OCA2: variants seen among roughly 807,000 people sequenced by gnomAD.
OCA2 encodes the protein OCA2 melanosomal transmembrane protein.
A neutral mutation model predicts 100.2 loss-of-function variants in OCA2; 77 were observed. That is an observed-to-expected ratio of 0.77 (90% CI 0.64 to 0.93). OCA2 has a LOEUF of 0.93. Among genes scored for constraint, OCA2 ranks in the 40% least tolerant of loss-of-function variants. OCA2 has a pLI of 0.00. For missense variants in OCA2, 1,062 were observed against 1,089.1 expected (o/e 0.98, Z 0.35); for synonymous variants, 432 against 439.2 (o/e 0.98, Z 0.21).
chr15:27,917,823 C>T (rs2038720576), intron 19 of OCA2, among the ~76,000 whole-genome samples: 1 of 152,104 alleles, frequency 6.6e-6, no homozygotes, highest in South Asian at 2.1e-4. Context: ...GAGTATCTTG[C>T]CCAGTTGATT....
At chr15:28,019,340 G>C (rs539869413) in intron 6 of OCA2, among the ~76,000 whole-genome samples, 1 of 119,132 alleles carries the variant, frequency 8.4e-6, no homozygotes, top group South Asian at 2.3e-4. Context: ...AAAGGAGAGC[G>C]GGAGACAAGG....
chr15:27,973,106 G>C (rs988675892), intron 14 of OCA2, among the ~76,000 whole-genome samples: 6 of 152,064 alleles, frequency 3.9e-5, no homozygotes, highest in Admixed American at 1.3e-4. Context: ...CTGACCTGAA[G>C]TGATCCTCCC....
At position 28,022,586 on chromosome 15, in the gene OCA2, G is replaced by C. The variant is rs2042628762; in HGVS notation, c.574-13C>G. On this transcript the variant is annotated splice_polypyrimidine_tract_variant and intron_variant, in intron 5 of 23. Coordinates refer to ENST00000354638, the MANE Select transcript of OCA2 (RefSeq NM_000275.3). ...GGCTGAACAAAATCTGTAACAATCA[G>C]AAACGTTGAATGACAGAGGTGTGGT... 1 of 1,604,422 alleles carries C rather than the reference G, an allele frequency of 6.2e-7. No individual in the cohort carries two copies. Among genetic ancestry groups the C allele is most frequent in the South Asian group, 1.1e-5 (1 of 90,866 alleles).
intron 23 of OCA2, among the ~76,000 whole-genome samples, chr15:27,759,608 C>T (rs986280196): frequency 1.3e-5 from 2 of 151,634 alleles, no homozygotes; most frequent in African/African-American, 4.8e-5. Flanking sequence ...AGCAGTCAAT[C>T]CACCGAGAGA....
chr15:27,763,998 T>G (rs878925792), intron 23 of OCA2, among the ~76,000 whole-genome samples: 2 of 147,444 alleles, frequency 1.4e-5, no homozygotes, highest in African/African-American at 2.5e-5. Flanking sequence ...CACTGAGGGG[T>G]GGGGGTTTGG....
In OCA2 at chr15:28,027,888, G is replaced by A. The variant is rs371617480; in HGVS notation, c.498C>T (p.Leu166=). ...GDLLDSPHIR[L]RLSKLRRCVQ... The stretch of plus-strand genomic sequence containing the variant: ...CCGCCTACCTCAGCTTGGAAAGACG[G>A]AGTCGGATGTGCGGGCTGTCCAGAA... Residue 166 remains leucine (L), a synonymous_variant, in exon 4 of 24, where the codon CTC becomes CTT. Transcript: ENST00000354638. 8.1e-6 allele frequency: 13 copies of A among 1,613,144 alleles called. No homozygotes were observed. In the East Asian group the frequency reaches 8.9e-5, roughly 11 times the overall value.
intron 19 of OCA2, among the ~76,000 whole-genome samples, chr15:27,916,399 A>G (rs1441831922): frequency 6.6e-6 from 1 of 152,158 alleles, no homozygotes; most frequent in Non-Finnish European, 1.5e-5. Context: ...TCATTCTAAA[A>G]TTTCTTCTTC....
rs2038903699 is a variant in OCA2, at chr15:27,922,683, GTGTGTGTGTGTGT to G, written c.2079+3431_2079+3443del. Among the ~76,000 whole-genome samples, 7 of 36,322 alleles carry G rather than the reference GTGTGTGTGTGTGT, an allele frequency of 1.9e-4. No individual in the cohort carries two copies. The South Asian group carries it at 7.0e-3, about 37-fold the overall frequency. 23.8% of individuals were successfully genotyped at this position (36,322 alleles called of 152,430 possible). Reference sequence around the variant, plus strand: ...GCTTTTGTGGTTTTTTGTTTGGGGTGTGTGTGTGTGTGTGTGTGTGTGTGTGTGTGTGTGTGTG... The same window carrying G: ...GCTTTTGTGGTTTTTTGTTTGGGGTGGTGTGTGTGTGTGTGTGTGTGTGTG... On this transcript the variant is annotated intron_variant, in intron 19 of 23. Coordinates refer to ENST00000354638, the MANE Select transcript of OCA2 (RefSeq NM_000275.3).
chr15:27,852,264 A>T (rs2151417143), intron 21 of OCA2, among the ~76,000 whole-genome samples: 1 of 152,320 alleles, frequency 6.6e-6, no homozygotes, highest in South Asian at 2.1e-4. Context: ...ATCCAGTTTC[A>T]GCTTTCTACA....
In OCA2 at chr15:27,986,840, TAGC is replaced by T. The variant is rs143589022; in HGVS notation, c.1183-200_1183-198del. ...TCACTCCTTGAATGGAGCCTCTTGCTAGCAGTTTTGTGCCTATATGTGTGTCCA... is the reference window on the plus strand; with the variant it reads ...TCACTCCTTGAATGGAGCCTCTTGCTAGTTTTGTGCCTATATGTGTGTCCA... On this transcript the variant is annotated intron_variant, in intron 11 of 23. Coordinates refer to ENST00000354638, the MANE Select transcript of OCA2 (RefSeq NM_000275.3). Among the ~76,000 whole-genome samples, 1,500 of 152,344 alleles carry T rather than the reference TAGC, an allele frequency of 9.8e-3. 30 individuals carry two copies. Among genetic ancestry groups the T allele is most frequent in the African/African-American group, 0.035 (1,455 of 41,568 alleles).
At chr15:28,068,192 C>G (rs1264992972) in intron 2 of OCA2, among the ~76,000 whole-genome samples, 2 of 152,074 alleles carry the variant, frequency 1.3e-5, no homozygotes, top group East Asian at 3.8e-4. Context: ...TTTTACTCCA[C>G]CCTTTTATTT....
chr15:28,047,032 T>C (rs12442147), intron 2 of OCA2, among the ~76,000 whole-genome samples: 43,513 of 151,992 alleles, frequency 0.29, 9,018 homozygotes, highest in East Asian at 0.88. Flanking sequence ...CGAAAAAAAT[T>C]TGCCAGCACA....
intron 19 of OCA2, among the ~76,000 whole-genome samples, chr15:27,899,928 T>G (rs1342621268): frequency 6.6e-6 from 1 of 152,062 alleles, no homozygotes; most frequent in Non-Finnish European, 1.5e-5. Flanking sequence ...CTTCAGCAAT[T>G]TTTGCCCCCT....
At chr15:27,884,156 C>T (rs760109317) in intron 19 of OCA2, among the ~76,000 whole-genome samples, 78 of 152,242 alleles carry the variant, frequency 5.1e-4, no homozygotes, top group Middle Eastern at 3.4e-3. Flanking sequence ...CCAAGGTGGG[C>T]AGATCACTTG....
At chr15:27,806,411 G>T (rs759485836) in intron 23 of OCA2, among the ~76,000 whole-genome samples, 75 of 152,250 alleles carry the variant, frequency 4.9e-4, no homozygotes, top group Non-Finnish European at 9.0e-4. Context: ...AACGTACTGT[G>T]AGATGCGTGG....
intron 19 of OCA2, among the ~76,000 whole-genome samples, chr15:27,886,427 A>T (rs1205799506): frequency 6.6e-6 from 1 of 152,202 alleles, no homozygotes; most frequent in Non-Finnish European, 1.5e-5. Flanking sequence ...AGAACCCTAA[A>T]ATGCATGGCA....
At chr15:28,060,640 A>T (rs1048230793) in intron 2 of OCA2, among the ~76,000 whole-genome samples, 2 of 152,254 alleles carry the variant, frequency 1.3e-5, no homozygotes, top group African/African-American at 4.8e-5. Flanking sequence ...TTTGGAAGTT[A>T]ACAAAAGTAT....
chr15:27,939,189 A>G (rs1317029133), intron 18 of OCA2, among the ~76,000 whole-genome samples: 2 of 152,272 alleles, frequency 1.3e-5, no homozygotes, highest in East Asian at 3.8e-4. Flanking sequence ...TGTCAGCAAG[A>G]AAGGAAGGCA....
chr15:28,084,703 C>T (rs78509664), intron 1 of OCA2, among the ~76,000 whole-genome samples: 2 of 152,236 alleles, frequency 1.3e-5, no homozygotes, highest in Non-Finnish European at 2.9e-5. Flanking sequence ...TCCATGTCCT[C>T]GTGGCTGCAT....
Sources: gnomAD v4.1 joint callset for allele counts (sites outside exome capture counted in the v4.1 genomes callset) on GRCh38, gnomAD v4.1.1 for gene constraint, MANE v1.5 for transcripts, NCBI Gene and HGNC (gene_info 2026-07-23, HGNC 2026-07-21) for gene names.